ASIC2: variants seen among roughly 807,000 people sequenced by gnomAD.
ASIC2 encodes the protein acid-sensing ion channel 2.
ASIC2 carries 25 observed loss-of-function variants against 57.3 expected under a neutral mutation model. The observed-to-expected ratio is 0.44, with a 90% CI of 0.32 to 0.61. The LOEUF is 0.61. ASIC2 is among the 20% of genes least tolerant of loss of function. The probability of loss-of-function intolerance (pLI) is 0.06; values close to 1 mark genes in which losing one functional copy is unlikely to be tolerated. For missense variants in ASIC2, 641 were observed against 738.1 expected (o/e 0.87, Z 1.52); for synonymous variants, 319 against 307.5 (o/e 1.04, Z -0.39).
chr17:33,785,550 G>A (rs1027541337), intron 1 of ASIC2, among the ~76,000 whole-genome samples: 14 of 152,152 alleles, frequency 9.2e-5, no homozygotes, highest in Admixed American at 2.6e-4. Context: ...TTGAGCCAAT[G>A]CCCTTACTCC....
chr17:34,022,159 GCAC>G (rs901759636), intron 1 of ASIC2, among the ~76,000 whole-genome samples: 23 of 152,246 alleles, frequency 1.5e-4, no homozygotes, highest in African/African-American at 5.1e-4. Context: ...CCAGGATTAA[GCAC>G]CACTTCCCTG....
chr17:33,292,759 T>G lies in ASIC2; in HGVS notation c.-644A>C, dbSNP rs1166118093. 1 of 985,878 alleles carries G rather than the reference T, an allele frequency of 1.0e-6. No homozygotes were observed. Among genetic ancestry groups the G allele is most frequent in the African/African-American group, 1.7e-5 (1 of 57,236 alleles). 61.1% of individuals were successfully genotyped at this position (985,878 alleles called of 1,614,324 possible). A position where few individuals can be genotyped will look rare whatever the true frequency, so the allele number is the denominator to read the frequency against. ...AGTGGTCGCCTTGCCGGCTGCCGCCTTCTTTCCCTTCCCCTCCAGGACCCT... is the reference window on the plus strand; with the variant it reads ...AGTGGTCGCCTTGCCGGCTGCCGCCGTCTTTCCCTTCCCCTCCAGGACCCT... On this transcript the variant is annotated 5_prime_UTR_variant, in exon 1 of 10. Coordinates refer to ENST00000225823, the MANE Select transcript of ASIC2 (RefSeq NM_183377.2).
At chr17:33,323,231 G>A (rs999696713) in intron 1 of ASIC2, among the ~76,000 whole-genome samples, 1 of 152,154 alleles carries the variant, frequency 6.6e-6, no homozygotes, top group Non-Finnish European at 1.5e-5. Flanking sequence ...CCTTGTACAA[G>A]GATATTCACA....
chr17:33,650,003 T>G (rs1345998656), intron 1 of ASIC2, among the ~76,000 whole-genome samples: 1 of 152,136 alleles, frequency 6.6e-6, no homozygotes, highest in Non-Finnish European at 1.5e-5. Context: ...TCATCAAAAT[T>G]AAAAACTTTT....
intron 1 of ASIC2, among the ~76,000 whole-genome samples, chr17:34,024,664 A>C (rs1452543684): frequency 1.3e-5 from 2 of 152,198 alleles, no homozygotes; most frequent in Admixed American, 6.5e-5. Flanking sequence ...CTGGACCGGC[A>C]GTGACCCCAA....
chr17:33,660,818 T>C (rs1907233429), intron 1 of ASIC2, among the ~76,000 whole-genome samples: 1 of 152,214 alleles, frequency 6.6e-6, no homozygotes, highest in South Asian at 2.1e-4. Context: ...AACGTCGTTA[T>C]GCGGCCCATG....
chr17:33,320,727 TTCTC>T (rs1906836580), intron 1 of ASIC2, among the ~76,000 whole-genome samples: 1 of 152,336 alleles, frequency 6.6e-6, no homozygotes, highest in South Asian at 2.1e-4. Flanking sequence ...AACACCCATC[TTCTC>T]TCTCCTTGCT....
At chr17:33,908,522 C>T (rs1167272148) in intron 1 of ASIC2, among the ~76,000 whole-genome samples, 1 of 152,176 alleles carries the variant, frequency 6.6e-6, no homozygotes, top group African/African-American at 2.4e-5. Flanking sequence ...ATAACTAACT[C>T]CATTGATAAC....
rs534156646 is a variant in ASIC2, at chr17:33,619,475, C to G, written c.556-507408G>C. 3.3e-5 allele frequency among the ~76,000 whole-genome samples: 5 copies of G among 152,184 alleles called. No individual in the cohort carries two copies. The East Asian group carries it at 9.7e-4, about 29-fold the overall frequency. On this transcript the variant is annotated intron_variant, in intron 1 of 9. Coordinates refer to the ASIC2 transcript ENST00000359872. Reference sequence around the variant, plus strand: ...GCTTTGATTGTAATAGAAAAGGATTCAAGGGTAAGGTTGGAGAGAGAGCAC... The same window carrying G: ...GCTTTGATTGTAATAGAAAAGGATTGAAGGGTAAGGTTGGAGAGAGAGCAC...
intron 1 of ASIC2, among the ~76,000 whole-genome samples, chr17:33,883,434 A>T (rs1597915683): frequency 6.6e-6 from 1 of 152,168 alleles, no homozygotes; most frequent in South Asian, 2.1e-4. Context: ...GTTTAATGGC[A>T]GTTAGAAGAT....
At chr17:33,646,984 A>G (rs1597820304) in intron 1 of ASIC2, among the ~76,000 whole-genome samples, 1 of 152,214 alleles carries the variant, frequency 6.6e-6, no homozygotes, top group South Asian at 2.1e-4. Flanking sequence ...GCTTTGGAAG[A>G]TGAGGTAGGT....
chr17:33,033,303 C>T (rs2091893527), intron 3 of ASIC2, among the ~76,000 whole-genome samples: 1 of 152,238 alleles, frequency 6.6e-6, no homozygotes, highest in Non-Finnish European at 1.5e-5. Flanking sequence ...GTATCTGAGC[C>T]TCCCTGTGCT....
At chr17:33,585,582 G>A (rs1331278015) in intron 1 of ASIC2, among the ~76,000 whole-genome samples, 1 of 152,136 alleles carries the variant, frequency 6.6e-6, no homozygotes, top group African/African-American at 2.4e-5. Flanking sequence ...ACCTGCACTG[G>A]GCATGTGGTC....
chr17:33,761,894 C>T (rs1910793929), intron 1 of ASIC2, among the ~76,000 whole-genome samples: 1 of 150,760 alleles, frequency 6.6e-6, no homozygotes, highest in South Asian at 2.1e-4. Flanking sequence ...TTTCAAAGCC[C>T]ACAAATCAGT....
intron 1 of ASIC2, among the ~76,000 whole-genome samples, chr17:33,563,377 A>G (rs897551184): frequency 5.3e-5 from 8 of 152,224 alleles, no homozygotes; most frequent in African/African-American, 1.9e-4. Flanking sequence ...GACTGCTCAC[A>G]GGATAAACCG....
chr17:33,579,165 A>G (rs1362484546), intron 1 of ASIC2, among the ~76,000 whole-genome samples: 2 of 151,858 alleles, frequency 1.3e-5, no homozygotes, highest in Non-Finnish European at 2.9e-5. Context: ...GGGCGCCTGT[A>G]ATCCCAGCTA....
intron 1 of ASIC2, among the ~76,000 whole-genome samples, chr17:33,771,325 A>G (rs1469564664): frequency 1.3e-5 from 2 of 152,052 alleles, no homozygotes; most frequent in African/African-American, 4.8e-5. Flanking sequence ...TCTGGGTGCA[A>G]CCCTAATCTG....
At chr17:34,065,221 T>C (rs1003595090) in intron 1 of ASIC2, among the ~76,000 whole-genome samples, 10 of 152,202 alleles carry the variant, frequency 6.6e-5, no homozygotes, top group Non-Finnish European at 7.3e-5. Context: ...TTAACAGCAC[T>C]TGTAGTAAGT....
chr17:33,853,504 C>G (rs560667406), intron 1 of ASIC2, among the ~76,000 whole-genome samples: 1 of 152,272 alleles, frequency 6.6e-6, no homozygotes, highest in African/African-American at 2.4e-5. Context: ...ACAATGTGAC[C>G]TGGACCGTCT....
Sources: gnomAD v4.1 joint callset for allele counts (sites outside exome capture counted in the v4.1 genomes callset) on GRCh38, gnomAD v4.1.1 for gene constraint, MANE v1.5 for transcripts, NCBI Gene and HGNC (gene_info 2026-07-23, HGNC 2026-07-21) for gene names.